MAP3K5: variants seen among roughly 807,000 people sequenced by gnomAD.
MAP3K5 encodes mitogen-activated protein kinase kinase kinase 5.
MAP3K5 carries 56 observed loss-of-function variants against 158.7 expected under a neutral mutation model. The ratio of observed to expected loss-of-function variants is 0.35; its 90% CI spans 0.28 to 0.44. The LOEUF is 0.44. Among genes scored for constraint, MAP3K5 ranks in the 20% least tolerant of loss-of-function variants. The probability of loss-of-function intolerance (pLI) is 1.00; values close to 1 mark genes in which losing one functional copy is unlikely to be tolerated. For missense variants in MAP3K5, 1,294 were observed against 1,674.8 expected (o/e 0.77, Z 3.97); for synonymous variants, 579 against 601.7 (o/e 0.96, Z 0.55).
At chr6:136,691,471 C>T (rs182492682) in intron 7 of MAP3K5, among the ~76,000 whole-genome samples, 23 of 152,112 alleles carry the variant, frequency 1.5e-4, no homozygotes, top group African/African-American at 5.3e-4. Context: ...AGTAGCTGGG[C>T]ATGGTGGGGC....
rs189911469 is a variant in MAP3K5, at chr6:136,646,151, A to C, written c.1789-3582T>G. On this transcript the variant is annotated intron_variant, in intron 11 of 29. Coordinates refer to ENST00000359015, the MANE Select transcript of MAP3K5 (RefSeq NM_005923.4). Reference sequence around the variant, plus strand: ...GCAAAGAAATTGACATAAATTCAGAATGGAAACTGATACAAGAAAGCTTCA... The same window carrying C: ...GCAAAGAAATTGACATAAATTCAGACTGGAAACTGATACAAGAAAGCTTCA... Among the ~76,000 whole-genome samples the C allele has an allele frequency of 2.0e-5, 3 of 152,318 alleles. No homozygotes were observed. In the East Asian group the frequency reaches 5.8e-4, roughly 29 times the overall value.
At chr6:136,750,463 T>C (rs73564018) in intron 1 of MAP3K5, among the ~76,000 whole-genome samples, 210 of 152,320 alleles carry the variant, frequency 1.4e-3, no homozygotes, top group African/African-American at 5.0e-3. Flanking sequence ...ATACCTCTTC[T>C]CATGCCAGTG....
intron 1 of MAP3K5, among the ~76,000 whole-genome samples, chr6:136,785,369 T>G (rs1324367252): frequency 6.6e-6 from 1 of 152,222 alleles, no homozygotes; most frequent in Non-Finnish European, 1.5e-5. Context: ...GTTCTTACAA[T>G]TTTAACTAGC....
chr6:136,697,260 C>A lies in MAP3K5; in HGVS notation c.934G>T (p.Asp312Tyr). 1.2e-6 allele frequency: 2 copies of A among 1,613,636 alleles called. No homozygotes were observed. Among genetic ancestry groups the A allele is most frequent in the Non-Finnish European group, 1.7e-6 (2 of 1,179,778 alleles). The change falls in exon 5 of 30, where the codon GAT becomes TAT. Residue 312 changes from aspartate to tyrosine, a missense_variant. Asp to Tyr is a radical substitution (Grantham distance 160). Transcript: ENST00000359015. ...GAAAGTAACAGATTTATGACAATAT[C>A]TGCTGTCAAGACTTCGATATTATCT... ...RVDNIEVLTA[D>Y]IVINLLLSYR...
chr6:136,568,806 C>T (rs1200246114), intron 25 of MAP3K5, among the ~76,000 whole-genome samples: 1 of 144,352 alleles, frequency 6.9e-6, no homozygotes, highest in Non-Finnish European at 1.5e-5. Flanking sequence ...TGTGGTGAGC[C>T]GAGATCATGC....
intron 7 of MAP3K5, among the ~76,000 whole-genome samples, chr6:136,670,852 C>T (rs761222429): frequency 6.6e-6 from 1 of 152,032 alleles, no homozygotes; most frequent in Non-Finnish European, 1.5e-5. Flanking sequence ...AAAAAAGGTA[C>T]CACTGCATCA....
At chr6:136,769,379 A>G (rs2114997510) in intron 1 of MAP3K5, among the ~76,000 whole-genome samples, 1 of 152,246 alleles carries the variant, frequency 6.6e-6, no homozygotes, top group African/African-American at 2.4e-5. Context: ...GCAAATTGGT[A>G]CAGGGTTTAT....
chr6:136,744,877 A>G (rs1309250634), intron 1 of MAP3K5, among the ~76,000 whole-genome samples: 1 of 152,208 alleles, frequency 6.6e-6, no homozygotes, highest in Non-Finnish European at 1.5e-5. Flanking sequence ...CTAATTTTCA[A>G]TAAGACTAAG....
chr6:136,598,182 C>T (rs1353047849), intron 21 of MAP3K5, among the ~76,000 whole-genome samples: 1 of 152,240 alleles, frequency 6.6e-6, no homozygotes, highest in Non-Finnish European at 1.5e-5. Flanking sequence ...CAGCAAGCCT[C>T]CCTTAACACA....
intron 1 of MAP3K5, among the ~76,000 whole-genome samples, chr6:136,722,674 C>CTTTT (rs372343492): frequency 2.6e-5 from 3 of 115,562 alleles, no homozygotes; most frequent in South Asian, 2.8e-4. Context: ...TTTTTTTTTC[C>CTTTT]TTTTTTTTTT....
chr6:136,741,008 C>G (rs961331707), intron 1 of MAP3K5, among the ~76,000 whole-genome samples: 1 of 152,134 alleles, frequency 6.6e-6, no homozygotes, highest in African/African-American at 2.4e-5. Context: ...CAATAGTTCT[C>G]ACCACATTTC....
chr6:136,676,302 T>C (rs1419512576), intron 7 of MAP3K5, among the ~76,000 whole-genome samples: 1 of 152,200 alleles, frequency 6.6e-6, no homozygotes, highest in Non-Finnish European at 1.5e-5. Flanking sequence ...CTGAGATAAC[T>C]GGTAAATACG....
chr6:136,679,690 T>A (rs1779851277), intron 7 of MAP3K5, among the ~76,000 whole-genome samples: 1 of 152,104 alleles, frequency 6.6e-6, no homozygotes, highest in African/African-American at 2.4e-5. Flanking sequence ...CATATTTTTT[T>A]TCCAAAAAAA....
rs768408099 is a variant in MAP3K5, at chr6:136,639,540, T to C, written c.1934+3A>G. The C allele has an allele frequency of 6.5e-7, 1 of 1,532,924 alleles. No homozygotes were observed. Among genetic ancestry groups the C allele is most frequent in the Non-Finnish European group, 8.9e-7 (1 of 1,118,292 alleles). The allele number at this position is 1,532,924 out of a possible 1,614,324, so 95.0% of individuals were successfully genotyped here. A position where few individuals can be genotyped will look rare whatever the true frequency, so the allele number is the denominator to read the frequency against. On this transcript the variant is annotated splice_donor_region_variant and intron_variant, in intron 13 of 29. Coordinates refer to ENST00000359015, the MANE Select transcript of MAP3K5 (RefSeq NM_005923.4). ...TTTTTCACACACAATGACTAATACG[T>C]ACTTTTTACAATGAAGTTCTGTACA...
At position 136,717,296 on chromosome 6, in the gene MAP3K5, G is replaced by T. The variant is rs200996197; in HGVS notation, c.588+3154C>A. On this transcript the variant is annotated intron_variant, in intron 2 of 29. Transcript: ENST00000359015. ...CCTTTCAAATGATACTTCAGACATAGATTTTTAAAGTACTTTCATAGCTCC... is the reference window on the plus strand; with the variant it reads ...CCTTTCAAATGATACTTCAGACATATATTTTTAAAGTACTTTCATAGCTCC... Among the ~76,000 whole-genome samples, 4 of 152,108 alleles carry T rather than the reference G, an allele frequency of 2.6e-5. No homozygotes were observed. In the East Asian group the frequency reaches 7.7e-4, roughly 29 times the overall value.
chr6:136,605,135 G>GAC (rs1369912246), intron 19 of MAP3K5, 74 bp downstream of exon 19: 19 of 1,428,020 alleles, frequency 1.3e-5, no homozygotes, highest in African/African-American at 2.9e-5. Context: ...AAAAAAATAT[G>GAC]ACACACACAC....
At chr6:136,664,682 T>A (rs1296750466) in intron 8 of MAP3K5, among the ~76,000 whole-genome samples, 1 of 152,140 alleles carries the variant, frequency 6.6e-6, no homozygotes, top group Non-Finnish European at 1.5e-5. Flanking sequence ...CTCGGCCGGA[T>A]GTGGTGGCTC....
rs560226919 is a variant in MAP3K5, at chr6:136,776,386, A to G, written c.448+15324T>C. On this transcript the variant is annotated intron_variant, in intron 1 of 29. Coordinates refer to ENST00000359015, the MANE Select transcript of MAP3K5 (RefSeq NM_005923.4). ...CAGCCTCCTGAGTAGCTGGGACTAC[A>G]GGTGTGTACCACCACAACCAGCAAA... Among the ~76,000 whole-genome samples the G allele has an allele frequency of 7.2e-5, 11 of 152,306 alleles. No individual in the cohort carries two copies. The East Asian group carries it at 1.9e-3, about 27-fold the overall frequency.
Position 136,561,593 on chromosome 6 carries a change from T to C in MAP3K5, c.3927A>G (p.Glu1309=). 6.2e-7 allele frequency: 1 copy of C among 1,614,014 alleles called. No individual in the cohort carries two copies. The highest frequency in any genetic ancestry group is 8.5e-7 in the Non-Finnish European group (1 of 1,179,834). The change falls in exon 28 of 30, where the codon GAA becomes GAG. Residue 1309 remains glutamate, a synonymous_variant. Coordinates refer to ENST00000359015, the MANE Select transcript of MAP3K5 (RefSeq NM_005923.4). Reference sequence around the variant, plus strand: ...TCAGCCAGTCGGTAAGTTCAGAATCTTCAGTATTTGTGCCAGAAGAATTTA... The same window carrying C: ...TCAGCCAGTCGGTAAGTTCAGAATCCTCAGTATTTGTGCCAGAAGAATTTA... The part of the protein sequence containing the change: ...FHLNSSGTNT[E]DSELTDWLRV...
Sources: gnomAD v4.1 joint callset for allele counts (sites outside exome capture counted in the v4.1 genomes callset) on GRCh38, gnomAD v4.1.1 for gene constraint, MANE v1.5 for transcripts, NCBI Gene and HGNC (gene_info 2026-07-23, HGNC 2026-07-21) for gene names.